Variants in KMT2C observed in about 807,000 individuals in gnomAD.
The protein encoded by KMT2C is lysine methyltransferase 2C.
A neutral mutation model predicts 507.9 loss-of-function variants in KMT2C; 88 were observed. The ratio of observed to expected loss-of-function variants is 0.17; its 90% CI spans 0.15 to 0.21. The LOEUF is 0.21. Ranked by LOEUF, KMT2C falls within the 10% of genes least tolerant of loss-of-function variation. The probability of loss-of-function intolerance (pLI) is 1.00; values close to 1 mark genes in which losing one functional copy is unlikely to be tolerated. For synonymous variants in KMT2C, 2,049 were observed against 2,080.8 expected (o/e 0.98, Z 0.42); for missense variants, 4,954 against 5,957.8 (o/e 0.83, Z 5.55).
rs141049361 is a variant in KMT2C, at chr7:152,165,782, G to A, written c.9750+1364C>T. 3.8e-4 allele frequency among the ~76,000 whole-genome samples: 58 copies of A among 152,126 alleles called. No individual in the cohort carries two copies. In the East Asian group the frequency reaches 8.1e-3, roughly 21 times the overall value. ...CAGCTCACTGCAGCCTCCACCTCCC[G>A]GATTCAAGCAATTCTCCTGCCTCAA... On this transcript the variant is annotated intron_variant, in intron 42 of 58. Coordinates refer to ENST00000262189, the MANE Select transcript of KMT2C (RefSeq NM_170606.3).
At chr7:152,193,195 T>C (rs938307831) in intron 31 of KMT2C, among the ~76,000 whole-genome samples, 2 of 151,880 alleles carry the variant, frequency 1.3e-5, no homozygotes, top group South Asian at 2.1e-4. Context: ...AAAATACATA[T>C]AGATAGAGTT....
At chr7:152,312,515 A>G (rs2096681558) in intron 4 of KMT2C, among the ~76,000 whole-genome samples, 1 of 152,228 alleles carries the variant, frequency 6.6e-6, no homozygotes, top group Non-Finnish European at 1.5e-5. Flanking sequence ...AAATCTCAAC[A>G]GCTGGTCTGT....
At chr7:152,336,725 A>G (rs760063376) in intron 2 of KMT2C, among the ~76,000 whole-genome samples, 6 of 152,186 alleles carry the variant, frequency 3.9e-5, no homozygotes, top group Non-Finnish European at 7.3e-5. Context: ...TGGAAATTGG[A>G]GCAGACATTT....
In KMT2C at chr7:152,136,739, C is replaced by A; in HGVS notation, c.*93G>T. 1 of 924,918 alleles carries A rather than the reference C, an allele frequency of 1.1e-6. No individual in the cohort carries two copies. Among genetic ancestry groups the A allele is most frequent in the Non-Finnish European group, 1.8e-6 (1 of 569,410 alleles). 57.3% of individuals were successfully genotyped at this position (924,918 alleles called of 1,614,324 possible). ...TTTCAAAAAGTCATAAAACAGAAAA[C>A]AAAAATCTCTTTCTGTCTGCAAAAT... is the stretch of plus-strand genomic sequence containing the variant. On this transcript the variant is annotated 3_prime_UTR_variant, in exon 59 of 59. Transcript: ENST00000262189.
chr7:152,396,161 G>T (rs2097536957), intron 1 of KMT2C, among the ~76,000 whole-genome samples: 1 of 152,148 alleles, frequency 6.6e-6, no homozygotes, highest in Non-Finnish European at 1.5e-5. Context: ...CCCATAAGCA[G>T]AGCATTCTCC....
chr7:152,288,469 T>C (rs146235108), intron 6 of KMT2C, among the ~76,000 whole-genome samples: 1 of 150,576 alleles, frequency 6.6e-6, no homozygotes, highest in Non-Finnish European at 1.5e-5. Flanking sequence ...AGGGGCGGAG[T>C]TTGCAGTGAG....
rs992987667 is a variant in KMT2C, at chr7:152,194,067, C to A, written c.4602G>T (p.Gln1534His). Reference sequence around the variant, plus strand: ...GGGGAGGCTGTGGCAATGGAGTTGGCTGAGTGTTCGCAGGACTAAGTACAG... The same window carrying A: ...GGGGAGGCTGTGGCAATGGAGTTGGATGAGTGTTCGCAGGACTAAGTACAG... ...FTAVLSPANT[Q>H]PTPLPQPPPP... Residue 1534 changes from glutamine (Q) to histidine (H), a missense_variant, in exon 31 of 59, where the codon CAG (glutamine) becomes CAT (histidine). Transcript: ENST00000262189. 5 of 1,593,674 alleles carry A rather than the reference C, an allele frequency of 3.1e-6. No homozygotes were observed. In the Admixed American group the frequency reaches 5.5e-5, roughly 18 times the overall value.
At position 152,235,908 on chromosome 7, in the gene KMT2C, T is replaced by A. The variant is rs765468622; in HGVS notation, c.2678A>T (p.Lys893Met). 1 of 1,611,866 alleles carries A rather than the reference T, an allele frequency of 6.2e-7. No individual in the cohort carries two copies. The highest frequency in any genetic ancestry group is 8.5e-7 in the Non-Finnish European group (1 of 1,179,722). ...KVGRGSGFPG[K>M]RRPRGAGLSG... Reference sequence around the variant, plus strand: ...CAGTCCTGCACCTCGAGGTCTCCGCTTTCCTGGAAATCCAGACCCACGGCC... The same window carrying A: ...CAGTCCTGCACCTCGAGGTCTCCGCATTCCTGGAAATCCAGACCCACGGCC... The change falls in exon 16 of 59, where the codon AAG becomes ATG. Residue 893 changes from lysine (K) to methionine (M), a missense_variant. Physicochemically the swap from Lys to Met is moderately conservative, Grantham distance 95. Around this residue, in one of 29 missense-constraint regions of KMT2C, gnomAD observed 62 missense variants for 137.2 expected, o/e 0.45. Coordinates refer to ENST00000262189, the MANE Select transcript of KMT2C (RefSeq NM_170606.3).
At chr7:152,264,189 T>C (rs1224123589) in intron 8 of KMT2C, among the ~76,000 whole-genome samples, 2 of 152,242 alleles carry the variant, frequency 1.3e-5, no homozygotes, top group East Asian at 1.9e-4. Flanking sequence ...TGGAGGTACA[T>C]AGTCCTATTT....
At chr7:152,370,175 C>T (rs1213795992) in intron 1 of KMT2C, among the ~76,000 whole-genome samples, 3 of 150,352 alleles carry the variant, frequency 2.0e-5, no homozygotes, top group South Asian at 2.1e-4. Flanking sequence ...GCCTGGACAA[C>T]GGAGGGAGAC....
chr7:152,277,371 C>A (rs934652176), intron 6 of KMT2C, among the ~76,000 whole-genome samples: 2 of 152,072 alleles, frequency 1.3e-5, no homozygotes, highest in African/African-American at 4.8e-5. Context: ...CCAGAAGGTG[C>A]AATGTCTGTT....
At chr7:152,311,010 G>A (rs998429779) in intron 5 of KMT2C, among the ~76,000 whole-genome samples, 5 of 152,154 alleles carry the variant, frequency 3.3e-5, no homozygotes, top group South Asian at 2.1e-4. Context: ...TTAACAAGCC[G>A]TCTGGTTATT....
chr7:152,182,340 A>C lies in KMT2C; in HGVS notation c.5520T>G (p.Ser1840=). Residue 1840 remains serine (S), a synonymous_variant, in exon 36 of 59, where the codon TCT becomes TCG. Transcript: ENST00000262189. ...TTACAAACACATCATCTGAAGATGT[A>C]GACGTAGGGGTACTGGGTGGCTGTT... ...FTKQPPSTPT[S]TSSDDVFVKP... is the part of the protein sequence containing the mutation. The C allele has an allele frequency of 1.2e-6, 2 of 1,614,082 alleles. No individual in the cohort carries two copies. The highest frequency in any genetic ancestry group is 1.7e-6 in the Non-Finnish European group (2 of 1,180,006).
chr7:152,189,030 A>G (rs2093711988), intron 31 of KMT2C, among the ~76,000 whole-genome samples: 2 of 152,224 alleles, frequency 1.3e-5, no homozygotes, highest in Admixed American at 1.3e-4. Context: ...CCTAATTTTT[A>G]TAACTTACAG....
intron 6 of KMT2C, among the ~76,000 whole-genome samples, chr7:152,286,762 A>C (rs960124010): frequency 5.9e-5 from 9 of 152,208 alleles, no homozygotes; most frequent in Admixed American, 3.3e-4. Context: ...GAAACAAAAG[A>C]GGATGAATTC....
At position 152,178,015 on chromosome 7, in the gene KMT2C, TAAA is replaced by T. The variant is rs746018833; in HGVS notation, c.7443-8_7443-6del. The T allele has an allele frequency of 0.037, 29,838 of 805,226 alleles. 35 individuals carry two copies. The highest frequency in any genetic ancestry group is 0.041 in the East Asian group (585 of 14,312). 49.9% of individuals were successfully genotyped at this position (805,226 alleles called of 1,614,324 possible). On this transcript the variant is annotated splice_polypyrimidine_tract_variant and splice_region_variant and intron_variant, in intron 37 of 58. Coordinates refer to ENST00000262189, the MANE Select transcript of KMT2C (RefSeq NM_170606.3). ...CTACCTCCTGGAAATCCAAATCTTT[TAAA>T]AAAAAAAAAAAAAAAAAAAAAAAAG...
intron 7 of KMT2C, among the ~76,000 whole-genome samples, chr7:152,265,999 G>A (rs2095852666): frequency 6.6e-6 from 1 of 152,252 alleles, no homozygotes; most frequent in Non-Finnish European, 1.5e-5. Context: ...TATGCATACT[G>A]CAAAATAAGG....
intron 2 of KMT2C, among the ~76,000 whole-genome samples, chr7:152,356,752 T>C (rs763498982): frequency 4.1e-4 from 61 of 150,344 alleles, no homozygotes; most frequent in Non-Finnish European, 6.2e-4. Context: ...TAGCGAGGCG[T>C]GGTGGCATCC....
At chr7:152,377,818 T>C (rs930547302) in intron 1 of KMT2C, among the ~76,000 whole-genome samples, 6 of 151,726 alleles carry the variant, frequency 4.0e-5, no homozygotes, top group Non-Finnish European at 8.8e-5. Flanking sequence ...TTCACCACCG[T>C]AGATGTCATT....
Sources: allele counts gnomAD v4.1 joint callset (sites outside exome capture counted in the v4.1 genomes callset), GRCh38; gene constraint gnomAD v4.1.1; regional missense constraint gnomAD v4.1.1; transcripts MANE v1.5; gene names NCBI Gene and HGNC (gene_info 2026-07-23, HGNC 2026-07-21).